Variants in KPNA1 observed in about 807,000 individuals in gnomAD.
The protein encoded by KPNA1 is karyopherin subunit alpha 1.
A neutral mutation model predicts 70.5 loss-of-function variants in KPNA1; 10 were observed. The ratio of observed to expected loss-of-function variants is 0.14; its 90% CI spans 0.09 to 0.24. The LOEUF (loss-of-function observed/expected upper bound fraction) is 0.24, where lower values mean the gene tolerates loss of function less well. KPNA1 is among the 10% of genes least tolerant of loss of function. KPNA1 has a pLI of 1.00. For synonymous variants in KPNA1, 192 were observed against 221.9 expected (o/e 0.87, Z 1.20); for missense variants, 397 against 637.9 (o/e 0.62, Z 4.07).
At chr3:122,453,270 A>T (rs1230323793) in intron 6 of KPNA1, among the ~76,000 whole-genome samples, 1 of 152,190 alleles carries the variant, frequency 6.6e-6, no homozygotes, top group Non-Finnish European at 1.5e-5. Context: ...AATTTCTACA[A>T]GAAAAAACCT....
intron 10 of KPNA1, among the ~76,000 whole-genome samples, chr3:122,440,033 A>C (rs1202529267): frequency 2.0e-5 from 3 of 152,200 alleles, no homozygotes; most frequent in Non-Finnish European, 4.4e-5. Context: ...TAGGACTGAA[A>C]CTTGAGATAG....
intron 8 of KPNA1, among the ~76,000 whole-genome samples, chr3:122,450,378 T>C (rs969457047): frequency 6.6e-6 from 1 of 151,932 alleles, no homozygotes; most frequent in Non-Finnish European, 1.5e-5. Context: ...GGTCTGGAGT[T>C]CAAGACCAAC....
At chr3:122,429,332 T>A (rs993978852) in intron 12 of KPNA1, among the ~76,000 whole-genome samples, 1 of 150,340 alleles carries the variant, frequency 6.7e-6, no homozygotes, top group African/African-American at 2.5e-5. Context: ...GCACCTGTAT[T>A]CCCAGCTACT....
At chr3:122,477,468 G>A (rs1187606845) in intron 2 of KPNA1, among the ~76,000 whole-genome samples, 2 of 152,166 alleles carry the variant, frequency 1.3e-5, no homozygotes, top group African/African-American at 4.8e-5. Context: ...GGAAGGCTGA[G>A]GACGGAGGAT....
At chr3:122,466,397 T>G (rs767308857) in intron 3 of KPNA1, among the ~76,000 whole-genome samples, 1 of 152,240 alleles carries the variant, frequency 6.6e-6, no homozygotes, top group Non-Finnish European at 1.5e-5. Flanking sequence ...TTAATTGTAC[T>G]TTTTTTGTTA....
At chr3:122,506,361 A>C (rs995385586) in intron 1 of KPNA1, among the ~76,000 whole-genome samples, 4 of 152,254 alleles carry the variant, frequency 2.6e-5, no homozygotes. Flanking sequence ...ATGAATTTAA[A>C]TAAGTGGAGT....
At chr3:122,491,281 T>A (rs2076695077) in intron 2 of KPNA1, among the ~76,000 whole-genome samples, 1 of 152,234 alleles carries the variant, frequency 6.6e-6, no homozygotes, top group Non-Finnish European at 1.5e-5. Flanking sequence ...ATGCTGTTAG[T>A]GATCTTTAAG....
chr3:122,489,574 C>CT (rs1164258348), intron 2 of KPNA1, among the ~76,000 whole-genome samples: 1 of 152,084 alleles, frequency 6.6e-6, no homozygotes, highest in South Asian at 2.1e-4. Flanking sequence ...CTGGCAGAGT[C>CT]TTTTTTTATC....
chr3:122,502,390 C>T (rs1014450548), intron 1 of KPNA1, among the ~76,000 whole-genome samples: 2 of 152,156 alleles, frequency 1.3e-5, no homozygotes, highest in African/African-American at 2.4e-5. Flanking sequence ...AGACTGGTGT[C>T]GTTATAACAG....
Position 122,452,081 on chromosome 3 carries a change from C to T in KPNA1, c.565-17G>A, listed in dbSNP as rs1252099123. The T allele has an allele frequency of 1.3e-6, 2 of 1,535,090 alleles. No homozygotes were observed. The highest frequency in any genetic ancestry group is 1.7e-4 in the Middle Eastern group (1 of 5,924). ...CCAGACTGCCTGTGAAAGAATCATT[C>T]ATTAATAAAGGTTACATAGTTTAAT... is the stretch of plus-strand genomic sequence containing the variant. On this transcript the variant is annotated splice_polypyrimidine_tract_variant and intron_variant, in intron 6 of 13. Transcript: ENST00000344337.
At chr3:122,470,398 G>C (rs2076427682) in intron 2 of KPNA1, among the ~76,000 whole-genome samples, 1 of 151,966 alleles carries the variant, frequency 6.6e-6, no homozygotes, top group Non-Finnish European at 1.5e-5. Context: ...TGTAGTCCCA[G>C]CTACCCAGGA....
At position 122,424,531 on chromosome 3, in the gene KPNA1, C is replaced by A. The variant is rs998925740; in HGVS notation, c.*2454G>T. 2.0e-5 allele frequency: 3 copies of A among 152,450 alleles called. No homozygotes were observed. The highest frequency in any genetic ancestry group is 1.5e-5 in the Non-Finnish European group (1 of 67,988). The allele number at this position is 152,450 out of a possible 1,614,324, so 9.4% of individuals were successfully genotyped here. ...TCTTATAGTTCATGAACTTCTAGGA[C>A]AAGATAAATTCCTCTGTTTTAGACA... On this transcript the variant is annotated 3_prime_UTR_variant, in exon 14 of 14. Coordinates refer to ENST00000344337, the MANE Select transcript of KPNA1 (RefSeq NM_002264.4).
chr3:122,492,236 C>T (rs2076708970), intron 2 of KPNA1, among the ~76,000 whole-genome samples: 1 of 152,172 alleles, frequency 6.6e-6, no homozygotes, highest in African/African-American at 2.4e-5. Flanking sequence ...TCACAGCGTG[C>T]CAGTACAACT....
intron 1 of KPNA1, among the ~76,000 whole-genome samples, chr3:122,504,003 C>T (rs2076859630): frequency 3.3e-5 from 5 of 152,168 alleles, no homozygotes; most frequent in Admixed American, 3.3e-4. Context: ...GAAAACTATT[C>T]TGTATGATAC....
At chr3:122,457,980 G>A in intron 5 of KPNA1, 1 of 721,602 alleles carries the variant, frequency 1.4e-6, no homozygotes, top group Non-Finnish European at 1.9e-6. Context: ...GATGGGAAAA[G>A]ACACAGGAGG....
chr3:122,480,024 A>C (rs951159481), intron 2 of KPNA1, among the ~76,000 whole-genome samples: 3 of 152,202 alleles, frequency 2.0e-5, no homozygotes, highest in African/African-American at 7.2e-5. Flanking sequence ...ATGGAAGAAC[A>C]TTAAATAATA....
intron 2 of KPNA1, among the ~76,000 whole-genome samples, chr3:122,470,281 G>A (rs995227971): frequency 2.6e-5 from 4 of 152,056 alleles, no homozygotes; most frequent in Non-Finnish European, 4.4e-5. Context: ...GGGAGGAGGC[G>A]GCGGGTGGAT....
intron 1 of KPNA1, among the ~76,000 whole-genome samples, chr3:122,504,335 G>A (rs10934602): frequency 1.3e-5 from 2 of 152,044 alleles, no homozygotes; most frequent in African/African-American, 2.4e-5. Flanking sequence ...AGCAGAAGGG[G>A]CTAAGGAGCT....
At chr3:122,460,829 G>A (rs2076316351) in intron 5 of KPNA1, among the ~76,000 whole-genome samples, 1 of 151,894 alleles carries the variant, frequency 6.6e-6, no homozygotes. Context: ...AACAGATTTG[G>A]GAATTAATAA....
Sources: gnomAD v4.1 joint callset for allele counts (sites outside exome capture counted in the v4.1 genomes callset) on GRCh38, gnomAD v4.1.1 for gene constraint, MANE v1.5 for transcripts, NCBI Gene and HGNC (gene_info 2026-07-23, HGNC 2026-07-21) for gene names.